Variants in CYP19A1 observed in about 807,000 individuals in gnomAD.
CYP19A1 encodes the protein cytochrome P450 family 19 subfamily A member 1.
A neutral mutation model predicts 44.4 loss-of-function variants in CYP19A1; 32 were observed. The observed-to-expected ratio is 0.72, with a 90% CI of 0.54 to 0.97. CYP19A1 has a LOEUF of 0.97. Ranked by LOEUF, CYP19A1 falls within the 50% of genes least tolerant of loss-of-function variation. The probability of loss-of-function intolerance (pLI) is 0.00; values close to 1 mark genes in which losing one functional copy is unlikely to be tolerated. For missense variants in CYP19A1, 598 were observed against 637.8 expected (o/e 0.94, Z 0.67); for synonymous variants, 212 against 215.6 (o/e 0.98, Z 0.14).
Position 51,210,843 on chromosome 15 carries a change from T to G in CYP19A1, c.1477A>C (p.Thr493Pro), listed in dbSNP as rs777015681. 1 of 1,598,920 alleles carries G rather than the reference T, an allele frequency of 6.3e-7. No individual in the cohort carries two copies. The highest frequency in any genetic ancestry group is 1.1e-5 in the South Asian group (1 of 90,770). Residue 493 changes from threonine to proline, a missense_variant, in exon 10 of 10, where the codon ACC becomes CCC. Physicochemically the swap from Thr to Pro is conservative, Grantham distance 38 (BLOSUM62 -1). Coordinates refer to ENST00000396402, the MANE Select transcript of CYP19A1 (RefSeq NM_000103.4). ...AGACACCTGTCTGAGTTTCTTGGGGTAAAGATCATTTCCAGCATGTTTTTA... is the reference window on the plus strand; with the variant it reads ...AGACACCTGTCTGAGTTTCTTGGGGGAAAGATCATTTCCAGCATGTTTTTA... ...ETKNMLEMIF[T>P]PRNSDRCLEH
intron 1 of CYP19A1, among the ~76,000 whole-genome samples, chr15:51,282,308 A>G (rs569431913): frequency 2.1e-4 from 32 of 152,376 alleles, no homozygotes; most frequent in Admixed American, 1.4e-3. Context: ...CATAATGTCC[A>G]GGGCTCAGTG....
intron 1 of CYP19A1, among the ~76,000 whole-genome samples, chr15:51,337,155 A>C (rs114384466): frequency 0.011 from 1,698 of 152,350 alleles, 40 homozygotes; most frequent in African/African-American, 0.038. Context: ...TGAATCCATT[A>C]ATCAAATATT....
chr15:51,260,879 G>A (rs1272621955), intron 1 of CYP19A1, among the ~76,000 whole-genome samples: 1 of 152,162 alleles, frequency 6.6e-6, no homozygotes, highest in Non-Finnish European at 1.5e-5. Flanking sequence ...CTCCTTGTAT[G>A]GGAGCCCTGT....
chr15:51,215,475 T>A (rs2031479358), intron 7 of CYP19A1, among the ~76,000 whole-genome samples: 1 of 152,366 alleles, frequency 6.6e-6, no homozygotes, highest in South Asian at 2.1e-4. Context: ...TTTTATACTG[T>A]TACACAGAAG....
At chr15:51,233,806 A>G (rs1238795803) in intron 3 of CYP19A1, among the ~76,000 whole-genome samples, 1 of 152,202 alleles carries the variant, frequency 6.6e-6, no homozygotes, top group Admixed American at 6.5e-5. Context: ...ATGGACATAT[A>G]GTGTCATACG....
At chr15:51,218,160 A>G (rs1445337985) in intron 6 of CYP19A1, among the ~76,000 whole-genome samples, 1 of 152,188 alleles carries the variant, frequency 6.6e-6, no homozygotes. Context: ...CAAAAACAAC[A>G]CAACTATAAA....
intron 1 of CYP19A1, among the ~76,000 whole-genome samples, chr15:51,269,076 T>C (rs2140949328): frequency 2.0e-5 from 3 of 152,232 alleles, no homozygotes; most frequent in Middle Eastern, 6.8e-3. Flanking sequence ...GGCTCCTACT[T>C]TTTTTGTGTT....
chr15:51,271,208 C>T (rs1261638159), intron 1 of CYP19A1, among the ~76,000 whole-genome samples: 1 of 152,104 alleles, frequency 6.6e-6, no homozygotes, highest in East Asian at 1.9e-4. Flanking sequence ...GTCATACAGT[C>T]TGTGGTCTCC....
At chr15:51,304,557 T>G (rs1332402714) in intron 1 of CYP19A1, among the ~76,000 whole-genome samples, 1 of 152,240 alleles carries the variant, frequency 6.6e-6, no homozygotes, top group Non-Finnish European at 1.5e-5. Flanking sequence ...ATGGGAAATG[T>G]TTATTTCCTT....
rs1434862515 is a variant in CYP19A1, at chr15:51,209,629, C to T, written c.*1179G>A. ...GCGAATTCCAAGGTGTGCAATTTAT[C>T]CATGACCACATACAATGATTCAATG... is the stretch of plus-strand genomic sequence containing the variant. On this transcript the variant is annotated 3_prime_UTR_variant, in exon 10 of 10. Transcript: ENST00000396402. 6.6e-6 allele frequency: 1 copy of T among 152,578 alleles called. No individual in the cohort carries two copies. Among genetic ancestry groups the T allele is most frequent in the Admixed American group, 6.6e-5 (1 of 15,266 alleles). 9.5% of individuals were successfully genotyped at this position (152,578 alleles called of 1,614,324 possible).
chr15:51,283,007 A>G lies in CYP19A1; in HGVS notation c.-38-40057T>C, dbSNP rs115511441. 5.5e-3 allele frequency among the ~76,000 whole-genome samples: 835 copies of G among 152,240 alleles called. 11 individuals carry two copies. The highest frequency in any genetic ancestry group is 0.019 in the African/African-American group (804 of 41,520). ...GGGACTATGGAGTTGGATGAATGGGAGATAATTGGCAGAGATTTTAAAAAG... is the reference window on the plus strand; with the variant it reads ...GGGACTATGGAGTTGGATGAATGGGGGATAATTGGCAGAGATTTTAAAAAG... On this transcript the variant is annotated intron_variant, in intron 1 of 9. Coordinates refer to ENST00000396402, the MANE Select transcript of CYP19A1 (RefSeq NM_000103.4).
intron 1 of CYP19A1, among the ~76,000 whole-genome samples, chr15:51,284,347 G>A (rs2035627890): frequency 6.6e-6 from 1 of 152,190 alleles, no homozygotes; most frequent in African/African-American, 2.4e-5. Context: ...CAATGACCCC[G>A]ACACTGGCCC....
chr15:51,222,351 T>C lies in CYP19A1; in HGVS notation c.626A>G (p.Asp209Gly), dbSNP rs781127713. 2.5e-6 allele frequency: 4 copies of C among 1,614,138 alleles called. No individual in the cohort carries two copies. Among genetic ancestry groups the C allele is most frequent in the South Asian group, 1.1e-5 (1 of 91,080 alleles). The change falls in exon 5 of 10, where the codon GAC (aspartate) becomes GGC (glycine). Residue 209 changes from aspartate to glycine, a missense_variant and splice_region_variant. Transcript: ENST00000396402. ...SNTLFLRIPL[D>G]ESAIVVKIQG... The stretch of plus-strand genomic sequence containing the variant: ...TGTGAGAGTGAAAATTTCAGTACCG[T>C]CCAAAGGGATCCTCAAGAAGAGCGT...
chr15:51,223,288 T>C (rs1311535724), intron 4 of CYP19A1, among the ~76,000 whole-genome samples: 1 of 144,160 alleles, frequency 6.9e-6, no homozygotes, highest in Admixed American at 6.9e-5. Context: ...TGAATGAAAA[T>C]AGAGTAAACT....
rs577875736 is a variant in CYP19A1, at chr15:51,313,754, A to G, written c.-39+24741T>C. Among the ~76,000 whole-genome samples the G allele has an allele frequency of 8.8e-4, 134 of 152,172 alleles. 1 individual carries two copies. Among genetic ancestry groups the G allele is most frequent in the Non-Finnish European group, 1.5e-3 (104 of 68,000 alleles). The stretch of plus-strand genomic sequence containing the variant: ...GGAGGTTGCAGTGAGCTGAGATCAT[A>G]CCACTGCAGTCCAGCCTGGGCGACA... On this transcript the variant is annotated intron_variant, in intron 1 of 9. Coordinates refer to ENST00000396402, the MANE Select transcript of CYP19A1 (RefSeq NM_000103.4).
At chr15:51,272,149 T>C (rs2035149294) in intron 1 of CYP19A1, among the ~76,000 whole-genome samples, 1 of 152,242 alleles carries the variant, frequency 6.6e-6, no homozygotes, top group South Asian at 2.1e-4. Flanking sequence ...GCCAACTTTC[T>C]GTCCATCTTC....
intron 1 of CYP19A1, among the ~76,000 whole-genome samples, chr15:51,305,346 G>A (rs535185328): frequency 6.6e-6 from 1 of 152,302 alleles, no homozygotes; most frequent in South Asian, 2.1e-4. Context: ...AGCTAGCAGA[G>A]AAGAATGGAG....
At chr15:51,292,012 C>T (rs927761286) in intron 1 of CYP19A1, among the ~76,000 whole-genome samples, 2 of 152,212 alleles carry the variant, frequency 1.3e-5, no homozygotes, top group Admixed American at 6.5e-5. Flanking sequence ...TGTGACCTCT[C>T]GTCAGTCAGT....
At chr15:51,287,740 G>T (rs537769235) in intron 1 of CYP19A1, among the ~76,000 whole-genome samples, 1 of 152,272 alleles carries the variant, frequency 6.6e-6, no homozygotes, top group East Asian at 1.9e-4. Flanking sequence ...TCAATGGTCT[G>T]GGGCTAACAC....
Sources: allele counts gnomAD v4.1 joint callset (sites outside exome capture counted in the v4.1 genomes callset), GRCh38; gene constraint gnomAD v4.1.1; transcripts MANE v1.5; gene names NCBI Gene and HGNC (gene_info 2026-07-23, HGNC 2026-07-21).